TIAM2: variants seen among roughly 807,000 people sequenced by gnomAD.
The protein encoded by TIAM2 is rho guanine nucleotide exchange factor TIAM2.
TIAM2 carries 80 observed loss-of-function variants against 152.9 expected under a neutral mutation model. The observed-to-expected ratio is 0.52, with a 90% CI of 0.44 to 0.63. TIAM2 has a LOEUF of 0.63. TIAM2 is among the 30% of genes least tolerant of loss of function. The pLI is 0.00. For missense variants in TIAM2, 1,965 were observed against 2,120.1 expected (o/e 0.93, Z 1.44); for synonymous variants, 804 against 838.0 (o/e 0.96, Z 0.70).
rs368310007 is a variant in TIAM2 at position 155,159,383 on chromosome 6, C to A, written c.2029-5032C>A. On this transcript the variant is annotated intron_variant, in intron 7 of 26. Transcript: ENST00000682666. The stretch of plus-strand genomic sequence containing the variant: ...AGGTATCTTCCTATGAGTCAGAAGA[C>A]CTGGGAATCAGGGGCCCCGTTATAG... Among the ~76,000 whole-genome samples, 36 of 152,296 alleles carry A rather than the reference C, an allele frequency of 2.4e-4. No individual in the cohort carries two copies. The South Asian group carries it at 6.2e-3, about 26-fold the overall frequency.
intron 1 of TIAM2, among the ~76,000 whole-genome samples, chr6:155,087,404 TAGAC>T (rs1298087576): frequency 2.6e-5 from 4 of 152,352 alleles, no homozygotes; most frequent in Middle Eastern, 3.4e-3. Flanking sequence ...ATGATGTATT[TAGAC>T]AGAGCCTAGT....
intron 26 of TIAM2, chr6:155,254,988 C>T (rs191281244): frequency 3.8e-5 from 6 of 158,956 alleles, no homozygotes; most frequent in Admixed American, 1.8e-4. Flanking sequence ...TCGACTTTAC[C>T]GTGGTGTGAA....
At chr6:155,242,309 CATTT>C (rs1197491055) in intron 16 of TIAM2, among the ~76,000 whole-genome samples, 1 of 152,252 alleles carries the variant, frequency 6.6e-6, no homozygotes, top group Non-Finnish European at 1.5e-5. Context: ...ACCGTTTCTT[CATTT>C]CTTTTTTGTT....
chr6:155,006,314 G>T (rs941761776), intron 1 of TIAM2, among the ~76,000 whole-genome samples: 1 of 152,098 alleles, frequency 6.6e-6, no homozygotes, highest in African/African-American at 2.4e-5. Context: ...GGCAGCAGAG[G>T]ACATAAGTCC....
At chr6:155,029,629 CTATA>C (rs565070470) in intron 1 of TIAM2, among the ~76,000 whole-genome samples, 1 of 81,070 alleles carries the variant, frequency 1.2e-5, no homozygotes, top group East Asian at 2.4e-4. Context: ...ATGTATATAA[CTATA>C]TATAGTTATA....
intron 5 of TIAM2, among the ~76,000 whole-genome samples, chr6:155,144,044 T>C (rs1034706639): frequency 5.3e-5 from 8 of 152,226 alleles, no homozygotes; most frequent in Non-Finnish European, 1.0e-4. Context: ...ACAGTTCCCC[T>C]GCCTGCTCCT....
At chr6:155,226,596 C>T (rs544907972) in intron 15 of TIAM2, among the ~76,000 whole-genome samples, 4 of 130,488 alleles carry the variant, frequency 3.1e-5, no homozygotes, top group South Asian at 2.6e-4. Context: ...ACCCAGGAGG[C>T]GGAGGTTGCA....
chr6:155,168,988 T>C, intron 9 of TIAM2: 2 of 1,363,272 alleles, frequency 1.5e-6, no homozygotes, highest in Non-Finnish European at 2.0e-6. Flanking sequence ...TTCTGTTTTT[T>C]TTTGTTTGTT....
chr6:155,000,529 C>CAA (rs58867200), intron 1 of TIAM2, among the ~76,000 whole-genome samples: 11,925 of 97,352 alleles, frequency 0.12, 1,065 homozygotes, highest in Non-Finnish European at 0.16. Context: ...GAAACTGTTG[C>CAA]AAAAAAAAAA....
At chr6:155,230,293 C>G (rs952299253) in intron 15 of TIAM2, among the ~76,000 whole-genome samples, 1 of 152,224 alleles carries the variant, frequency 6.6e-6, no homozygotes, top group African/African-American at 2.4e-5. Context: ...CCAGACCCTG[C>G]CTCTCTGTCC....
At chr6:155,142,086 G>A (rs1779722105) in intron 5 of TIAM2, among the ~76,000 whole-genome samples, 1 of 150,332 alleles carries the variant, frequency 6.7e-6, no homozygotes, top group African/African-American at 2.5e-5. Flanking sequence ...CAGCATCGGG[G>A]TGAACGGCAA....
At chr6:155,122,289 G>A (rs888607795) in intron 2 of TIAM2, among the ~76,000 whole-genome samples, 11 of 152,196 alleles carry the variant, frequency 7.2e-5, no homozygotes, top group Non-Finnish European at 1.0e-4. Flanking sequence ...GCATACTCAT[G>A]TGAATGGGGA....
chr6:155,211,199 TG>T lies in TIAM2; in HGVS notation c.3065-4del. On this transcript the variant is annotated splice_region_variant and splice_polypyrimidine_tract_variant and intron_variant, in intron 14 of 26. Coordinates refer to ENST00000682666, the MANE Select transcript of TIAM2 (RefSeq NM_012454.4). ...TCATATATGTTTTTGTCATTTTTTA[TG>T]CAGATTTCAGCAACGTCCCTGATAT... 1 of 1,612,450 alleles carries T rather than the reference TG, an allele frequency of 6.2e-7. No individual in the cohort carries two copies. The highest frequency in any genetic ancestry group is 1.7e-4 in the Middle Eastern group (1 of 6,054).
intron 9 of TIAM2, among the ~76,000 whole-genome samples, chr6:155,168,548 G>A (rs1178852900): frequency 3.9e-5 from 6 of 151,968 alleles, no homozygotes; most frequent in African/African-American, 1.4e-4. Context: ...ATGGAGATGA[G>A]GTTTCACTCT....
chr6:155,129,871 G>T lies in TIAM2; in HGVS notation c.648G>T (p.Arg216Ser), dbSNP rs746532400. Residue 216 changes from arginine (R) to serine (S), a missense_variant, in exon 4 of 27, where the codon AGG becomes AGT. Coordinates refer to ENST00000682666, the MANE Select transcript of TIAM2 (RefSeq NM_012454.4). This position sits in a 1 kb window ranked among gnomAD's most constrained non-coding sequence, Gnocchi z 4.8. ...CCTCCCCTGTGCCTGAAGCCAGGAGGGGGTCCAGCGCCGATTCCCTGCCCA... is the reference window on the plus strand; with the variant it reads ...CCTCCCCTGTGCCTGAAGCCAGGAGTGGGTCCAGCGCCGATTCCCTGCCCA... The part of the protein sequence containing the change: ...SETSPVPEAR[R>S]GSSADSLPSH... The T allele has an allele frequency of 1.2e-6, 2 of 1,613,736 alleles. No individual in the cohort carries two copies. Among genetic ancestry groups the T allele is most frequent in the South Asian group, 2.2e-5 (2 of 91,086 alleles).
intron 14 of TIAM2, among the ~76,000 whole-genome samples, chr6:155,202,821 C>T (rs9480085): frequency 0.056 from 8,215 of 147,692 alleles, 296 homozygotes; most frequent in Middle Eastern, 0.099. Flanking sequence ...GTGGATCACT[C>T]GAGGTTAGGA....
intron 7 of TIAM2, 21 bp from the exon 8 acceptor site, chr6:155,164,394 C>A (rs1441749807): frequency 6.5e-7 from 1 of 1,542,640 alleles, no homozygotes; most frequent in South Asian, 1.2e-5. Context: ...TTATTTAAAT[C>A]ACCTCTGTTT....
At position 155,165,391 on chromosome 6, in the gene TIAM2, G is replaced by A. The variant is rs772685889; in HGVS notation, c.2343G>A (p.Lys781=). 6.2e-7 allele frequency: 1 copy of A among 1,613,270 alleles called. No individual in the cohort carries two copies. Among genetic ancestry groups the A allele is most frequent in the South Asian group, 1.1e-5 (1 of 90,868 alleles). Reference sequence around the variant, plus strand: ...CACTGGCCAGAAAAGGCAAGGAGAAGAGACCTTCTATAACTCAGGTGAGCT... The same window carrying A: ...CACTGGCCAGAAAAGGCAAGGAGAAAAGACCTTCTATAACTCAGGTGAGCT... ...LDTLARKGKE[K]RPSITQVDEL... is the part of the protein sequence containing the mutation. The change falls in exon 9 of 27, where the codon AAG becomes AAA. Residue 781 remains lysine, a synonymous_variant. Transcript: ENST00000682666.
Position 155,240,608 on chromosome 6 carries a change from C to T in TIAM2, c.3247C>T (p.Gln1083Ter). ...CGGCATGGAAGGACCGCGGGAGAAT[C>T]AGGATCCTCCTCCGAGGTCTCTGGC... Reference protein sequence around the residue: ...ANGMEGPRENQDPPPRSLARH... With the variant: ...ANGMEGPREN The change falls in exon 16 of 27, where the codon CAG (glutamine) becomes TAG (stop). Residue 1083 changes from glutamine (Q) to a stop codon, truncating the protein, a stop_gained. Coordinates refer to ENST00000682666, the MANE Select transcript of TIAM2 (RefSeq NM_012454.4). LOFTEE classifies it high-confidence loss of function. The T allele has an allele frequency of 6.2e-7, 1 of 1,614,184 alleles. No homozygotes were observed. The highest frequency in any genetic ancestry group is 8.5e-7 in the Non-Finnish European group (1 of 1,180,046).
Sources: gnomAD v4.1 joint callset for allele counts (sites outside exome capture counted in the v4.1 genomes callset) on GRCh38, gnomAD v4.1.1 for gene constraint, Gnocchi (gnomAD v3.1) non-coding constraint, MANE v1.5 for transcripts, NCBI Gene and HGNC (gene_info 2026-07-23, HGNC 2026-07-21) for gene names.